Variants in IFT88 observed in about 807,000 individuals in gnomAD.
IFT88 encodes intraflagellar transport 88, also known as intraflagellar transport protein 88 homolog.
Under a neutral mutation model 119.5 loss-of-function variants are expected in IFT88, and 74 were observed. The observed-to-expected ratio is 0.62, with a 90% CI of 0.51 to 0.75. The LOEUF (loss-of-function observed/expected upper bound fraction) is 0.75. Among genes scored for constraint, IFT88 ranks in the 30% least tolerant of loss-of-function variants. The pLI, the probability that IFT88 is intolerant of heterozygous loss-of-function variation, is 0.00. For synonymous variants in IFT88, 279 were observed against 316.7 expected, an observed-to-expected ratio of 0.88 and a Z score of 1.26; for missense variants, 961 against 977.7, an observed-to-expected ratio of 0.98 and a Z score of 0.23.
intron 24 of IFT88, among the ~76,000 whole-genome samples, chr13:20,687,334 C>T (rs189760376): frequency 5.3e-4 from 80 of 152,122 alleles, no homozygotes; most frequent in African/African-American, 1.8e-3. Context: ...TTTTGTGGGG[C>T]GAGCCAAACT....
At chr13:20,568,108 C>T (rs2035308135) in intron 1 of IFT88, 1 of 666,600 alleles carries the variant, frequency 1.5e-6, no homozygotes, top group Non-Finnish European at 2.7e-6. Context: ...CACGTGCGGG[C>T]CGGGGTTGGA....
At chr13:20,605,474 C>G (rs2043271570) in intron 13 of IFT88, among the ~76,000 whole-genome samples, 1 of 151,980 alleles carries the variant, frequency 6.6e-6, no homozygotes, top group African/African-American at 2.4e-5. Context: ...GTTTTTTTAT[C>G]CTGCCTCACA....
chr13:20,656,308 C>A, intron 21 of IFT88, 57 bp from the exon 22 acceptor site: 1 of 726,410 alleles, frequency 1.4e-6, no homozygotes, highest in Non-Finnish European at 2.2e-6. Context: ...TAATATTTTT[C>A]TGAATCCTGT....
At chr13:20,567,567 A>C (rs1183916103) in intron 1 of IFT88, 2 of 193,942 alleles carry the variant, frequency 1.0e-5, no homozygotes, top group Non-Finnish European at 1.9e-5. Context: ...CCCAAGTCCC[A>C]GTCACGCCTG....
Position 20,605,069 on chromosome 13 carries a change from TA to T in IFT88, c.1082del (p.Asn361MetfsTer20), listed in dbSNP as rs1594100988. The T allele has an allele frequency of 2.0e-6, 3 of 1,516,660 alleles. No homozygotes were observed. The highest frequency in any genetic ancestry group is 2.7e-6 in the Non-Finnish European group (3 of 1,094,610). 94.0% of individuals were successfully genotyped at this position (1,516,660 alleles called of 1,614,324 possible). The part of the protein sequence containing the change: ...DPHTNLVTEA[I>X]KNDHLRQMER... ...CATACTAACTTAGTAACTGAAGCTA[TA>T]AAAAATGATCACCTCAGGCAAATGG... On this transcript the variant is annotated frameshift_variant, in exon 13 of 26. Coordinates refer to ENST00000351808, the MANE Select transcript of IFT88 (RefSeq NM_006531.5). LOFTEE classifies it high-confidence loss of function.
intron 2 of IFT88, among the ~76,000 whole-genome samples, chr13:20,580,109 T>G (rs575481436): frequency 6.6e-6 from 1 of 152,376 alleles, no homozygotes; most frequent in African/African-American, 2.4e-5. Flanking sequence ...AACTAGTAAT[T>G]ACTTTTCTGT....
chr13:20,630,180 A>G (rs887826288), intron 15 of IFT88, among the ~76,000 whole-genome samples: 3 of 152,126 alleles, frequency 2.0e-5, no homozygotes, highest in East Asian at 1.9e-4. Context: ...TTACATTTCT[A>G]TTAGACCTTT....
intron 14 of IFT88, among the ~76,000 whole-genome samples, chr13:20,617,338 G>A (rs774565299): frequency 2.2e-4 from 33 of 151,976 alleles, no homozygotes; most frequent in Non-Finnish European, 3.5e-4. Flanking sequence ...ATTTTTAGTC[G>A]GAATTGTAAA....
intron 20 of IFT88, among the ~76,000 whole-genome samples, chr13:20,651,478 T>TG (rs2051683742): frequency 6.7e-6 from 1 of 148,944 alleles, no homozygotes; most frequent in Non-Finnish European, 1.5e-5. Context: ...CAGTTTATGA[T>TG]AGTCAAAAGT....
chr13:20,660,173 G>A (rs924799379), intron 22 of IFT88, among the ~76,000 whole-genome samples: 43 of 152,318 alleles, frequency 2.8e-4, no homozygotes, highest in Non-Finnish European at 4.6e-4. Flanking sequence ...TGTGGGAGGG[G>A]CTGGTATTTG....
At chr13:20,689,879 T>C (rs1177950747) in intron 24 of IFT88, among the ~76,000 whole-genome samples, 1 of 152,196 alleles carries the variant, frequency 6.6e-6, no homozygotes, top group Non-Finnish European at 1.5e-5. Flanking sequence ...ACTTTTGTTT[T>C]AACAAAAAGA....
chr13:20,632,754 C>T (rs970284857), intron 16 of IFT88, among the ~76,000 whole-genome samples: 1 of 152,152 alleles, frequency 6.6e-6, no homozygotes, highest in Admixed American at 6.5e-5. Flanking sequence ...TTCATTAGAC[C>T]ATCAGCTTCA....
intron 2 of IFT88, 32 bp from the exon 3 acceptor site, chr13:20,582,925 T>G: frequency 6.4e-7 from 1 of 1,558,474 alleles, no homozygotes; most frequent in Non-Finnish European, 8.8e-7. Flanking sequence ...TCTTACTCTG[T>G]GTTGAATGTT....
intron 24 of IFT88, among the ~76,000 whole-genome samples, chr13:20,680,354 T>G (rs2057175554): frequency 6.6e-6 from 1 of 152,220 alleles, no homozygotes; most frequent in Non-Finnish European, 1.5e-5. Context: ...CGGGCCTCTA[T>G]CATCTATAGA....
At chr13:20,627,483 A>G (rs2047514828) in intron 15 of IFT88, among the ~76,000 whole-genome samples, 1 of 151,560 alleles carries the variant, frequency 6.6e-6, no homozygotes, top group Non-Finnish European at 1.5e-5. Flanking sequence ...TAATCTCAGC[A>G]CTTTGGGAGG....
chr13:20,580,390 A>G (rs1199720135), intron 2 of IFT88, among the ~76,000 whole-genome samples: 1 of 151,986 alleles, frequency 6.6e-6, no homozygotes, highest in East Asian at 1.9e-4. Flanking sequence ...GGTGGCGGGC[A>G]CCTGTAATCT....
chr13:20,650,470 A>T (rs1248725271), intron 20 of IFT88, among the ~76,000 whole-genome samples: 1 of 152,200 alleles, frequency 6.6e-6, no homozygotes, highest in Non-Finnish European at 1.5e-5. Context: ...AACTTCCTTA[A>T]CGTGTTAAAG....
chr13:20,586,479 G>T (rs928429249), intron 3 of IFT88, among the ~76,000 whole-genome samples: 2 of 152,148 alleles, frequency 1.3e-5, no homozygotes, highest in Admixed American at 1.3e-4. Flanking sequence ...AGAAGAGATT[G>T]CTTAGAAGAT....
At chr13:20,690,676 CAA>C (rs973165561) in intron 24 of IFT88, 27 bp from the exon 25 acceptor site, 1 of 1,385,050 alleles carries the variant, frequency 7.2e-7, no homozygotes, top group Non-Finnish European at 1.0e-6. Context: ...ACATATTAAA[CAA>C]ATGCATTTTT....
Sources: allele counts gnomAD v4.1 joint callset (sites outside exome capture counted in the v4.1 genomes callset), GRCh38; gene constraint gnomAD v4.1.1; transcripts MANE v1.5; gene names NCBI Gene and HGNC (gene_info 2026-07-23, HGNC 2026-07-21).